SMYD3: variants seen among roughly 807,000 people sequenced by gnomAD.
SMYD3 encodes histone-lysine N-methyltransferase SMYD3.
Under a neutral mutation model 57.7 loss-of-function variants are expected in SMYD3, and 36 were observed. The observed-to-expected ratio is 0.62, with a 90% CI of 0.48 to 0.82. The LOEUF (loss-of-function observed/expected upper bound fraction) is 0.82. SMYD3 is among the 40% of genes least tolerant of loss of function. SMYD3 has a pLI of 0.00. For missense variants in SMYD3, 515 were observed against 538.8 expected (o/e 0.96, Z 0.44); for synonymous variants, 211 against 195.0 (o/e 1.08, Z -0.68).
At chr1:246,507,005 C>G in intron 1 of SMYD3, 49 bp downstream of exon 1, 2 of 1,157,938 alleles carry the variant, frequency 1.7e-6, no homozygotes, top group Non-Finnish European at 1.2e-6. Context: ...CCCTCCCCAG[C>G]ACCCCACACA....
rs541870744 is a variant in SMYD3 at position 246,014,521 on chromosome 1, A to G, written c.532-84584T>C. The stretch of plus-strand genomic sequence containing the variant: ...ACTCTAGGACTTAGTAGCGTGGTTA[A>G]TCACAGCCGCATTATTAATGTCTCC... On this transcript the variant is annotated intron_variant, in intron 5 of 11. Coordinates refer to ENST00000490107, the MANE Select transcript of SMYD3 (RefSeq NM_001167740.2). 1.8e-3 allele frequency among the ~76,000 whole-genome samples: 269 copies of G among 152,258 alleles called. 1 individual carries two copies. The highest frequency in any genetic ancestry group is 5.9e-3 in the African/African-American group (246 of 41,542).
intron 1 of SMYD3, among the ~76,000 whole-genome samples, chr1:246,402,080 C>A (rs914612959): frequency 6.6e-6 from 1 of 152,114 alleles, no homozygotes; most frequent in Non-Finnish European, 1.5e-5. Context: ...AGAAGAATAA[C>A]CTCTCTAAAC....
chr1:246,077,209 T>A (rs2060564091), intron 5 of SMYD3, among the ~76,000 whole-genome samples: 1 of 152,226 alleles, frequency 6.6e-6, no homozygotes, highest in Non-Finnish European at 1.5e-5. Flanking sequence ...TGAGCCTCAT[T>A]TGATAGGCAG....
At chr1:246,140,478 G>C (rs2061735366) in intron 5 of SMYD3, among the ~76,000 whole-genome samples, 1 of 152,240 alleles carries the variant, frequency 6.6e-6, no homozygotes, top group Non-Finnish European at 1.5e-5. Context: ...TACTGCAGCT[G>C]TGCAACAGAG....
At chr1:245,926,547 G>A (rs912655439) in intron 7 of SMYD3, among the ~76,000 whole-genome samples, 4 of 152,174 alleles carry the variant, frequency 2.6e-5, no homozygotes, top group Admixed American at 1.3e-4. Flanking sequence ...TTGCTCCAGA[G>A]ATGGAAAGAG....
At chr1:246,077,231 G>A (rs896379959) in intron 5 of SMYD3, among the ~76,000 whole-genome samples, 3 of 152,202 alleles carry the variant, frequency 2.0e-5, no homozygotes, top group African/African-American at 7.2e-5. Context: ...GAGGTTCACA[G>A]AAGATTTTTT....
rs1452698613 is a variant in SMYD3 at position 246,444,366 on chromosome 1, C to A, written c.164+62688G>T. 2.0e-5 allele frequency among the ~76,000 whole-genome samples: 3 copies of A among 152,040 alleles called. No homozygotes were observed. The East Asian group carries it at 5.8e-4, about 29-fold the overall frequency. On this transcript the variant is annotated intron_variant, in intron 1 of 11. Coordinates refer to ENST00000490107, the MANE Select transcript of SMYD3 (RefSeq NM_001167740.2). The stretch of plus-strand genomic sequence containing the variant: ...GTCTCAAACTCCTGACCTTGTGATC[C>A]ACCCGCCTCGGCCTCCCAAAGTGCT...
chr1:245,826,706 C>T (rs913873710), intron 10 of SMYD3, among the ~76,000 whole-genome samples: 42 of 152,116 alleles, frequency 2.8e-4, no homozygotes, highest in African/African-American at 9.9e-4. Context: ...CTCACAGTTC[C>T]GCATGGCTGG....
At chr1:245,948,367 T>C (rs1378089259) in intron 5 of SMYD3, among the ~76,000 whole-genome samples, 1 of 152,150 alleles carries the variant, frequency 6.6e-6, no homozygotes, top group Non-Finnish European at 1.5e-5. Flanking sequence ...CAAGGCAGCC[T>C]CTTTGGCTGG....
At chr1:246,083,115 G>A (rs1233477825) in intron 5 of SMYD3, among the ~76,000 whole-genome samples, 1 of 151,974 alleles carries the variant, frequency 6.6e-6, no homozygotes, top group Admixed American at 6.6e-5. Flanking sequence ...AAGGGTCTGT[G>A]CTGAGGAGGA....
At chr1:246,013,009 T>G (rs947583344) in intron 5 of SMYD3, among the ~76,000 whole-genome samples, 4 of 151,724 alleles carry the variant, frequency 2.6e-5, no homozygotes, top group Non-Finnish European at 5.9e-5. Context: ...GAAACAGGTC[T>G]TACATTCCCA....
At chr1:246,174,201 T>C (rs1199818416) in intron 5 of SMYD3, among the ~76,000 whole-genome samples, 1 of 152,280 alleles carries the variant, frequency 6.6e-6, no homozygotes, top group East Asian at 1.9e-4. Context: ...AGTCATTTCT[T>C]ATCACTATCA....
At chr1:246,443,656 C>T (rs927257784) in intron 1 of SMYD3, among the ~76,000 whole-genome samples, 3 of 152,180 alleles carry the variant, frequency 2.0e-5, no homozygotes, top group Admixed American at 1.3e-4. Flanking sequence ...AATTTTTTCA[C>T]TTGTACATTT....
chr1:245,816,841 G>C (rs151281813), intron 10 of SMYD3, among the ~76,000 whole-genome samples: 4 of 152,194 alleles, frequency 2.6e-5, no homozygotes, highest in Non-Finnish European at 5.9e-5. Flanking sequence ...TTTTCGGACC[G>C]GCCTAAAAAA....
chr1:245,826,458 T>C (rs1197388775), intron 10 of SMYD3, among the ~76,000 whole-genome samples: 1 of 151,952 alleles, frequency 6.6e-6, no homozygotes, highest in African/African-American at 2.4e-5. Flanking sequence ...CAAGCGATCC[T>C]CCTGCCTCAG....
intron 2 of SMYD3, among the ~76,000 whole-genome samples, chr1:246,341,798 C>G (rs1357092693): frequency 6.6e-6 from 1 of 152,176 alleles, no homozygotes. Flanking sequence ...CATTTAAATG[C>G]TGTTAAACAC....
chr1:246,356,144 C>T (rs1202128092), intron 1 of SMYD3, among the ~76,000 whole-genome samples: 1 of 152,154 alleles, frequency 6.6e-6, no homozygotes, highest in Non-Finnish European at 1.5e-5. Flanking sequence ...TCCCCAGTAC[C>T]AGCCCAGAGC....
intron 5 of SMYD3, among the ~76,000 whole-genome samples, chr1:245,940,460 C>T (rs12041507): frequency 0.61 from 93,317 of 151,930 alleles, 34,132 homozygotes; most frequent in Non-Finnish European, 0.81. Context: ...ATTCTGCAGC[C>T]TCCACTGGTG....
intron 5 of SMYD3, among the ~76,000 whole-genome samples, chr1:246,296,320 A>G: frequency 6.6e-6 from 1 of 152,142 alleles, no homozygotes; most frequent in East Asian, 1.9e-4. Flanking sequence ...TGAACAACTC[A>G]TTTCTCTTCA....
Sources: gnomAD v4.1 joint callset for allele counts (sites outside exome capture counted in the v4.1 genomes callset) on GRCh38, gnomAD v4.1.1 for gene constraint, MANE v1.5 for transcripts, NCBI Gene and HGNC (gene_info 2026-07-23, HGNC 2026-07-21) for gene names.